The following CSMD2 variants were observed in gnomAD, a reference collection of about 807,000 sequenced individuals.
CSMD2 encodes CUB and sushi domain-containing protein 2.
CSMD2 carries 130 observed loss-of-function variants against 398.5 expected under a neutral mutation model. The ratio of observed to expected loss-of-function variants is 0.33; its 90% CI spans 0.28 to 0.38. The LOEUF is 0.38. Among genes scored for constraint, CSMD2 ranks in the 10% least tolerant of loss-of-function variants. CSMD2 has a pLI of 1.00. For synonymous variants in CSMD2, 1,828 were observed against 1,908.5 expected (o/e 0.96, Z 1.10); for missense variants, 3,829 against 4,764.9 (o/e 0.80, Z 5.78).
intron 2 of CSMD2, among the ~76,000 whole-genome samples, chr1:34,081,001 G>C (rs1657030982): frequency 6.8e-6 from 1 of 147,964 alleles, no homozygotes; most frequent in Non-Finnish European, 1.5e-5. Context: ...ATGTGAGAAA[G>C]GGATGTGACC....
At chr1:33,648,348 C>T (rs1643571182) in intron 28 of CSMD2, among the ~76,000 whole-genome samples, 4 of 137,122 alleles carry the variant, frequency 2.9e-5, no homozygotes, top group South Asian at 2.3e-4. Flanking sequence ...GGTGACAGAG[C>T]GAGACTCTGT....
chr1:33,869,712 C>T lies in CSMD2; in HGVS notation c.921-22716G>A, dbSNP rs563600560. On this transcript the variant is annotated intron_variant, in intron 5 of 70. Transcript: ENST00000373381. ...TTCTTGTAGCCCCTCATTCACTCTG[C>T]GTAGGAGGCATGGCTCATCTGGCTG... Among the ~76,000 whole-genome samples, 6 of 152,302 alleles carry T rather than the reference C, an allele frequency of 3.9e-5. No individual in the cohort carries two copies. The South Asian group carries it at 1.0e-3, about 26-fold the overall frequency.
intron 3 of CSMD2, among the ~76,000 whole-genome samples, chr1:33,981,229 C>G (rs758311994): frequency 1.3e-5 from 2 of 152,216 alleles, no homozygotes; most frequent in South Asian, 4.1e-4. Flanking sequence ...AACATTCCAG[C>G]TATTTGCACT....
intron 4 of CSMD2, among the ~76,000 whole-genome samples, chr1:33,934,610 GA>G (rs1644411324): frequency 2.0e-5 from 3 of 152,168 alleles, no homozygotes. Flanking sequence ...ATACGTATTG[GA>G]AGAAGATGGA....
At chr1:34,129,456 C>A (rs1663097058) in intron 1 of CSMD2, among the ~76,000 whole-genome samples, 1 of 152,052 alleles carries the variant, frequency 6.6e-6, no homozygotes, top group Admixed American at 6.6e-5. Flanking sequence ...TCGTGACCAT[C>A]CTGGCTAACA....
chr1:33,772,509 G>C, intron 13 of CSMD2, 60 bp downstream of exon 13: 4 of 1,524,080 alleles, frequency 2.6e-6, no homozygotes, highest in Non-Finnish European at 3.6e-6. Context: ...GGATTAGCTA[G>C]GAAACGGGCC....
At chr1:33,623,564 G>T (rs1641907740) in intron 35 of CSMD2, 98 bp from the exon 36 acceptor site, 9 of 840,504 alleles carry the variant, frequency 1.1e-5, no homozygotes, top group Admixed American at 9.6e-5. Context: ...AATTCAATTT[G>T]TTGAGAATCT....
At chr1:33,696,272 A>G (rs145211173) in intron 24 of CSMD2, among the ~76,000 whole-genome samples, 1 of 152,238 alleles carries the variant, frequency 6.6e-6, no homozygotes, top group Non-Finnish European at 1.5e-5. Flanking sequence ...AAATAGGAGA[A>G]GAAGGGATCA....
At chr1:33,546,874 TATTA>T (rs925572812) in intron 56 of CSMD2, among the ~76,000 whole-genome samples, 3 of 152,206 alleles carry the variant, frequency 2.0e-5, no homozygotes, top group African/African-American at 7.2e-5. Flanking sequence ...TTTATTTATT[TATTA>T]CTTTTTAAAA....
At chr1:33,842,824 A>G (rs1300317868) in intron 6 of CSMD2, among the ~76,000 whole-genome samples, 2 of 152,204 alleles carry the variant, frequency 1.3e-5, no homozygotes, top group African/African-American at 2.4e-5. Context: ...AGGGCCATAG[A>G]AAGGCAGGTG....
chr1:33,771,286 CT>C lies in CSMD2; in HGVS notation c.1846+1282del, dbSNP rs1441581142. On this transcript the variant is annotated intron_variant, in intron 13 of 70. Coordinates refer to ENST00000373381, the MANE Select transcript of CSMD2 (RefSeq NM_001281956.2). ...GCTTGGTCTCTGCAATGGGCAAAGC[CT>C]TTGTGTTTGCCTGCCCCGAGCTGCT... 6.6e-5 allele frequency among the ~76,000 whole-genome samples: 10 copies of C among 152,276 alleles called. No homozygotes were observed. In the East Asian group the frequency reaches 1.9e-3, roughly 29 times the overall value.
chr1:33,745,270 T>C (rs1366929372), intron 13 of CSMD2, among the ~76,000 whole-genome samples: 1 of 152,192 alleles, frequency 6.6e-6, no homozygotes, highest in Non-Finnish European at 1.5e-5. Flanking sequence ...ATAAAAACTA[T>C]ATCAGGGTCG....
chr1:33,815,081 A>G (rs1358972310), intron 9 of CSMD2, among the ~76,000 whole-genome samples: 6 of 152,166 alleles, frequency 3.9e-5, no homozygotes, highest in Non-Finnish European at 8.8e-5. Context: ...GAACTGTGGT[A>G]TCACGACAGA....
chr1:33,567,545 A>G, intron 53 of CSMD2, 48 bp downstream of exon 53: 6 of 1,596,824 alleles, frequency 3.8e-6, no homozygotes, highest in Non-Finnish European at 5.1e-6. Flanking sequence ...GAGAAAGTCC[A>G]TGTTGAATCT....
chr1:33,837,919 C>T lies in CSMD2; in HGVS notation c.1033+8965G>A, dbSNP rs770879002. ...ATTTTCCCGCTGTTGTAAAGGTTAG[C>T]GGGACACATGGTACACATTTAGCTA... is the stretch of plus-strand genomic sequence containing the variant. On this transcript the variant is annotated intron_variant, in intron 6 of 70. Transcript: ENST00000373381. 8.5e-5 allele frequency among the ~76,000 whole-genome samples: 13 copies of T among 152,176 alleles called. 1 individual carries two copies. Among genetic ancestry groups the T allele is most frequent in the Admixed American group, 3.9e-4 (6 of 15,270 alleles).
intron 4 of CSMD2, among the ~76,000 whole-genome samples, chr1:33,931,043 T>C (rs961574699): frequency 1.6e-4 from 25 of 152,354 alleles, no homozygotes; most frequent in African/African-American, 6.0e-4. Context: ...AAAGAGATTG[T>C]CACTCAGAGC....
rs147330576 is a variant in CSMD2, at chr1:33,811,732, C to T, written c.1325-868G>A. Among the ~76,000 whole-genome samples, 23 of 152,300 alleles carry T rather than the reference C, an allele frequency of 1.5e-4. No homozygotes were observed. In the South Asian group the frequency reaches 3.1e-3, roughly 21 times the overall value. On this transcript the variant is annotated intron_variant, in intron 9 of 70. Coordinates refer to ENST00000373381, the MANE Select transcript of CSMD2 (RefSeq NM_001281956.2). The stretch of plus-strand genomic sequence containing the variant: ...GTGATTTATAACAGTTAAGGTACTA[C>T]GTTGTACCTAGGTATTTGCTTTCTT...
In CSMD2 at chr1:33,559,548, G is replaced by C; in HGVS notation, c.8381-75C>G. 7.6e-7 allele frequency: 1 copy of C among 1,321,854 alleles called. No individual in the cohort carries two copies. Among genetic ancestry groups the C allele is most frequent in the Non-Finnish European group, 1.0e-6 (1 of 960,334 alleles). 81.9% of individuals were successfully genotyped at this position (1,321,854 alleles called of 1,614,324 possible). On this transcript the variant is annotated intron_variant, in intron 53 of 70. Transcript: ENST00000373381. This position sits in a 1 kb window ranked among gnomAD's most constrained non-coding sequence, Gnocchi z 4.0. ...TCAGAATTTATCCACCTCTCACCTG[G>C]CATCTCTTAGGCCATCAGTGAAGTT...
chr1:33,893,346 G>A lies in CSMD2; in HGVS notation c.920+24748C>T, dbSNP rs564366590. 3.3e-5 allele frequency among the ~76,000 whole-genome samples: 5 copies of A among 152,348 alleles called. No individual in the cohort carries two copies. The East Asian group carries it at 7.7e-4, about 24-fold the overall frequency. ...TTAGTCACTTGCCTAAGATTGCCCA[G>A]TGGAACTTGGTTTATCTGAGTCCAG... On this transcript the variant is annotated intron_variant, in intron 5 of 70. Transcript: ENST00000373381.
Sources: gnomAD v4.1 joint callset for allele counts (sites outside exome capture counted in the v4.1 genomes callset) on GRCh38, gnomAD v4.1.1 for gene constraint, Gnocchi (gnomAD v3.1) non-coding constraint, MANE v1.5 for transcripts, NCBI Gene and HGNC (gene_info 2026-07-23, HGNC 2026-07-21) for gene names.